DST: variants seen among roughly 807,000 people sequenced by gnomAD.
DST encodes dystonin.
A neutral mutation model predicts 875.2 loss-of-function variants in DST; 253 were observed. The ratio of observed to expected loss-of-function variants is 0.29; its 90% CI spans 0.26 to 0.32. The LOEUF (loss-of-function observed/expected upper bound fraction) is 0.32, where lower values mean the gene tolerates loss of function less well. Ranked by LOEUF, DST falls within the 10% of genes least tolerant of loss-of-function variation. The pLI, the probability that DST is intolerant of heterozygous loss-of-function variation, is 1.00. For synonymous variants in DST, 3,124 were observed against 3,197.1 expected, an observed-to-expected ratio of 0.98 and a Z score of 0.77; for missense variants, 8,287 against 9,111.6, an observed-to-expected ratio of 0.91 and a Z score of 3.68.
At chr6:56,575,952 G>A (rs1259565868) in intron 50 of DST, among the ~76,000 whole-genome samples, 1 of 152,082 alleles carries the variant, frequency 6.6e-6, no homozygotes, top group Non-Finnish European at 1.5e-5. Flanking sequence ...AGGGTAGGGG[G>A]AGCAGGGGAC....
chr6:56,742,049 C>T (rs899934064), intron 4 of DST, among the ~76,000 whole-genome samples: 2 of 152,122 alleles, frequency 1.3e-5, no homozygotes, highest in Non-Finnish European at 2.9e-5. Flanking sequence ...GTACCACACA[C>T]GCAGTAAGTA....
At chr6:56,943,797 TAAGTA>T (rs1817977480) in intron 2 of DST, among the ~76,000 whole-genome samples, 2 of 151,840 alleles carry the variant, frequency 1.3e-5, no homozygotes, top group African/African-American at 4.8e-5. Context: ...GGGTAAGACA[TAAGTA>T]AGGTATAACT....
chr6:56,699,202 A>G (rs1037455779), intron 9 of DST, among the ~76,000 whole-genome samples: 1 of 152,240 alleles, frequency 6.6e-6, no homozygotes, highest in African/African-American at 2.4e-5. Flanking sequence ...TGCATAAAAC[A>G]TGAATACTTT....
intron 36 of DST, among the ~76,000 whole-genome samples, chr6:56,617,679 G>A (rs2098641056): frequency 6.6e-6 from 1 of 152,116 alleles, no homozygotes; most frequent in Non-Finnish European, 1.5e-5. Flanking sequence ...TATGTTAGAA[G>A]TTAAAGCTAA....
At chr6:56,480,691 CT>C (rs920062536) in intron 90 of DST, among the ~76,000 whole-genome samples, 3 of 152,170 alleles carry the variant, frequency 2.0e-5, no homozygotes, top group Non-Finnish European at 4.4e-5. Flanking sequence ...TAATTTTATG[CT>C]ATTTAAAAAT....
intron 10 of DST, among the ~76,000 whole-genome samples, chr6:56,669,833 T>C (rs989384928): frequency 6.6e-6 from 1 of 152,142 alleles, no homozygotes; most frequent in African/African-American, 2.4e-5. Context: ...TTAATATATG[T>C]AAACTGCTTA....
chr6:56,924,692 T>G (rs1806110959), intron 2 of DST, among the ~76,000 whole-genome samples: 1 of 152,158 alleles, frequency 6.6e-6, no homozygotes, highest in South Asian at 2.1e-4. Context: ...TTTTTGGTAC[T>G]GGAAACATAC....
chr6:56,900,304 G>T, intron 3 of DST, 117 bp downstream of exon 3: 1 of 844,074 alleles, frequency 1.2e-6, no homozygotes, highest in Non-Finnish European at 1.7e-6. Flanking sequence ...CCACTTGTTG[G>T]GAATAACAAC....
intron 99 of DST, among the ~76,000 whole-genome samples, 159 bp from the exon 100 acceptor site, chr6:56,464,915 T>A (rs116235400): frequency 1.3e-5 from 2 of 152,150 alleles, no homozygotes; most frequent in Admixed American, 6.5e-5. Flanking sequence ...ACTCAAGGGA[T>A]TGGCTCAATA....
intron 3 of DST, chr6:56,864,119 G>A (rs1460714185): frequency 1.3e-5 from 2 of 152,172 alleles, no homozygotes; most frequent in African/African-American, 4.8e-5. Context: ...GGCCTTAAGA[G>A]CAAAGACCAT....
intron 4 of DST, among the ~76,000 whole-genome samples, chr6:56,811,390 G>C (rs550050913): frequency 1.3e-5 from 2 of 152,164 alleles, no homozygotes; most frequent in East Asian, 3.9e-4. Flanking sequence ...CATGGACCCA[G>C]CTCTGGATTT....
intron 69 of DST, among the ~76,000 whole-genome samples, chr6:56,524,407 G>A (rs1037606708): frequency 6.6e-6 from 1 of 151,974 alleles, no homozygotes; most frequent in African/African-American, 2.4e-5. Context: ...GATTATTGAA[G>A]AATTTTAGAA....
At chr6:56,529,841 AATAAAAC>A in intron 65 of DST, 67 bp from the exon 66 acceptor site, 1 of 1,454,896 alleles carries the variant, frequency 6.9e-7, no homozygotes, top group East Asian at 2.4e-5. Flanking sequence ...TGAAAACATA[AATAAAAC>A]TAAAGCATGA....
At chr6:56,863,203 A>G (rs1007003149) in intron 3 of DST, 5 of 152,212 alleles carry the variant, frequency 3.3e-5, no homozygotes, top group Admixed American at 2.0e-4. Context: ...GAGCCACTCC[A>G]TCCTTTATTC....
chr6:56,885,891 A>T (rs1422412840), intron 3 of DST, among the ~76,000 whole-genome samples: 1 of 152,234 alleles, frequency 6.6e-6, no homozygotes, highest in Non-Finnish European at 1.5e-5. Flanking sequence ...ATCCCCATCG[A>T]TCTTAGTAAT....
At chr6:56,590,808 T>C (rs1300349810) in intron 49 of DST, among the ~76,000 whole-genome samples, 1 of 152,198 alleles carries the variant, frequency 6.6e-6, no homozygotes, top group Non-Finnish European at 1.5e-5. Context: ...CCTCCTTCCC[T>C]GCTCTCATCC....
chr6:56,720,359 T>TTC, intron 5 of DST, among the ~76,000 whole-genome samples: 1 of 151,954 alleles, frequency 6.6e-6, no homozygotes, highest in East Asian at 1.9e-4. Context: ...CTTTTTTTTT[T>TTC]TTTTTTTAGT....
intron 2 of DST, among the ~76,000 whole-genome samples, chr6:56,908,562 G>A (rs955841138): frequency 5.3e-5 from 8 of 152,110 alleles, no homozygotes; most frequent in African/African-American, 1.9e-4. Context: ...ACAGTAGTTA[G>A]TAAATGTGCC....
chr6:56,480,350 C>T (rs1177853358), intron 90 of DST, among the ~76,000 whole-genome samples: 1 of 152,120 alleles, frequency 6.6e-6, no homozygotes, highest in African/African-American at 2.4e-5. Flanking sequence ...ACAGCTGATA[C>T]AAATAATGTA....
Sources: allele counts gnomAD v4.1 joint callset (sites outside exome capture counted in the v4.1 genomes callset), GRCh38; gene constraint gnomAD v4.1.1; transcripts MANE v1.5; gene names NCBI Gene and HGNC (gene_info 2026-07-23, HGNC 2026-07-21).